Variants in DR1 observed in about 807,000 individuals in gnomAD.
DR1 encodes the protein down-regulator of transcription 1.
A neutral mutation model predicts 19.9 loss-of-function variants in DR1; 7 were observed. That is an observed-to-expected ratio of 0.35 (90% CI 0.20 to 0.66). DR1 has a LOEUF of 0.66. Among genes scored for constraint, DR1 ranks in the 30% least tolerant of loss-of-function variants. The pLI is 0.66. For synonymous variants in DR1, 76 were observed against 72.5 expected, an observed-to-expected ratio of 1.05 and a Z score of -0.24; for missense variants, 98 against 203.7, an observed-to-expected ratio of 0.48 and a Z score of 3.16.
At chr1:93,353,028 A>G (rs968553646) in intron 1 of DR1, among the ~76,000 whole-genome samples, 2 of 151,692 alleles carry the variant, frequency 1.3e-5, no homozygotes, top group Admixed American at 6.6e-5. Flanking sequence ...CTGAGTAGCT[A>G]GAACCATAGG....
At chr1:93,359,808 T>A (rs1667031849) in intron 2 of DR1, among the ~76,000 whole-genome samples, 1 of 152,160 alleles carries the variant, frequency 6.6e-6, no homozygotes, top group African/African-American at 2.4e-5. Context: ...ATATATCAGA[T>A]GAATGGATTT....
Position 93,365,626 on chromosome 1 carries a change from A to T in DR1, c.*4987A>T, listed in dbSNP as rs150693953. 2.0e-5 allele frequency: 3 copies of T among 152,338 alleles called. No individual in the cohort carries two copies. Among genetic ancestry groups the T allele is most frequent in the African/African-American group, 7.2e-5 (3 of 41,576 alleles). 9.4% of individuals were successfully genotyped at this position (152,338 alleles called of 1,614,324 possible). A position where few individuals can be genotyped will look rare whatever the true frequency, so the allele number is the denominator to read the frequency against. ...AGACACTTGAGGGAAAGGCTGTGAAACTGAACCTCTGTTAGAAGCAACACA... is the reference window on the plus strand; with the variant it reads ...AGACACTTGAGGGAAAGGCTGTGAATCTGAACCTCTGTTAGAAGCAACACA... On this transcript the variant is annotated 3_prime_UTR_variant, in exon 3 of 3. Coordinates refer to ENST00000370272, the MANE Select transcript of DR1 (RefSeq NM_001938.3).
chr1:93,358,574 A>T (rs949411695), intron 2 of DR1, among the ~76,000 whole-genome samples: 1 of 152,122 alleles, frequency 6.6e-6, no homozygotes, highest in Non-Finnish European at 1.5e-5. Context: ...GCGCAGATAT[A>T]TTAGTACTAG....
chr1:93,347,019 A>G (rs984142460), intron 1 of DR1, among the ~76,000 whole-genome samples, 154 bp downstream of exon 1: 1 of 152,196 alleles, frequency 6.6e-6, no homozygotes, highest in Non-Finnish European at 1.5e-5. Context: ...TGCTTTAAAA[A>G]CAATCCCTTT....
At chr1:93,358,241 A>G (rs985673649) in intron 2 of DR1, among the ~76,000 whole-genome samples, 9 of 152,294 alleles carry the variant, frequency 5.9e-5, no homozygotes, top group African/African-American at 2.2e-4. Context: ...CCACCTTTCT[A>G]TGCTCTGCTT....
chr1:93,368,106 A>G lies in DR1; in HGVS notation c.*7467A>G, dbSNP rs186140649. ...ACTCTTTTTGTAATAGTTTTTTTAC[A>G]TATGTTATTTCATTTGTTTATTTCC... is the stretch of plus-strand genomic sequence containing the variant. On this transcript the variant is annotated 3_prime_UTR_variant, in exon 3 of 3. Transcript: ENST00000370272. The G allele has an allele frequency of 1.3e-5, 2 of 152,196 alleles. No homozygotes were observed. Among genetic ancestry groups the G allele is most frequent in the East Asian group, 1.9e-4 (1 of 5,188 alleles). The allele number at this position is 152,196 out of a possible 1,614,324, so 9.4% of individuals were successfully genotyped here.
At position 93,368,647 on chromosome 1, in the gene DR1, T is replaced by C. The variant is rs1667198634; in HGVS notation, c.*8008T>C. 1 of 152,222 alleles carries C rather than the reference T, an allele frequency of 6.6e-6. No homozygotes were observed. The highest frequency in any genetic ancestry group is 2.1e-4 in the South Asian group (1 of 4,838). 9.4% of individuals were successfully genotyped at this position (152,222 alleles called of 1,614,324 possible). On this transcript the variant is annotated 3_prime_UTR_variant, in exon 3 of 3. Transcript: ENST00000370272. ...CATATTTATGTCACTAATAAACTTC[T>C]AGAATCCATGTAGTAGGGTGTAGTA...
rs8489 is a variant in DR1 at position 93,360,762 on chromosome 1, G to A, written c.*123G>A. The stretch of plus-strand genomic sequence containing the variant: ...GGTGGACTTGTCATTGGTATTCTAG[G>A]GATGTCTGCTATTAAGTTTCATCTA... On this transcript the variant is annotated 3_prime_UTR_variant, in exon 3 of 3. Coordinates refer to ENST00000370272, the MANE Select transcript of DR1 (RefSeq NM_001938.3). The A allele has an allele frequency of 0.02, 21,453 of 1,063,922 alleles. 2,887 individuals are homozygous for A. In the African/African-American group the frequency reaches 0.3, roughly 15 times the overall value. The allele number at this position is 1,063,922 out of a possible 1,614,324, so 65.9% of individuals were successfully genotyped here.
Position 93,364,364 on chromosome 1 carries a change from CTG to C in DR1, c.*3728_*3729del, listed in dbSNP as rs1424088020. On this transcript the variant is annotated 3_prime_UTR_variant, in exon 3 of 3. Coordinates refer to ENST00000370272, the MANE Select transcript of DR1 (RefSeq NM_001938.3). The stretch of plus-strand genomic sequence containing the variant: ...TTGAATTAGTATGTTGTGGGAAAAT[CTG>C]TGATTTAATTTTTTAATTGAATTTT... The C allele has an allele frequency of 6.6e-6, 1 of 152,010 alleles. No individual in the cohort carries two copies. Among genetic ancestry groups the C allele is most frequent in the Non-Finnish European group, 1.5e-5 (1 of 67,998 alleles). The allele number at this position is 152,010 out of a possible 1,614,324, so 9.4% of individuals were successfully genotyped here.
intron 1 of DR1, among the ~76,000 whole-genome samples, chr1:93,347,194 A>C (rs1265620617): frequency 1.3e-5 from 2 of 152,240 alleles, no homozygotes; most frequent in African/African-American, 4.8e-5. Context: ...ATAATAATTA[A>C]GGAACGCAGA....
intron 2 of DR1, chr1:93,355,230 T>C (rs1429819767): frequency 2.0e-5 from 3 of 152,182 alleles, no homozygotes; most frequent in Non-Finnish European, 2.9e-5. Flanking sequence ...ATTGTATTCA[T>C]TTACATATTA....
Position 93,367,544 on chromosome 1 carries a change from G to A in DR1, c.*6905G>A, listed in dbSNP as rs771450. The A allele has an allele frequency of 0.72, 110,246 of 152,074 alleles. 42,643 individuals carry two copies. Among genetic ancestry groups the A allele is most frequent in the East Asian group, 0.96 (4,964 of 5,180 alleles). The allele number at this position is 152,074 out of a possible 1,614,324, so 9.4% of individuals were successfully genotyped here. On this transcript the variant is annotated 3_prime_UTR_variant, in exon 3 of 3. Transcript: ENST00000370272. ...TTTTCATCACAGGGCGCACTCACAC[G>A]GCACACACACGCATACTGGGACCAT...
In DR1 at chr1:93,360,742, A is replaced by G. The variant is rs1248234164; in HGVS notation, c.*103A>G. The G allele has an allele frequency of 1.9e-5, 25 of 1,306,958 alleles. No homozygotes were observed. Among genetic ancestry groups the G allele is most frequent in the Admixed American group, 3.0e-5 (1 of 33,544 alleles). 81.0% of individuals were successfully genotyped at this position (1,306,958 alleles called of 1,614,324 possible). A position where few individuals can be genotyped will look rare whatever the true frequency, so the allele number is the denominator to read the frequency against. ...TGTAATTTTGTATGCATCTTGGTGG[A>G]CTTGTCATTGGTATTCTAGGGATGT... On this transcript the variant is annotated 3_prime_UTR_variant, in exon 3 of 3. Coordinates refer to ENST00000370272, the MANE Select transcript of DR1 (RefSeq NM_001938.3).
chr1:93,348,680 C>G (rs1487909973), intron 1 of DR1, among the ~76,000 whole-genome samples: 1 of 152,072 alleles, frequency 6.6e-6, no homozygotes, highest in African/African-American at 2.4e-5. Flanking sequence ...AGTGAAAAAG[C>G]ATTTCCATTG....
intron 2 of DR1, among the ~76,000 whole-genome samples, chr1:93,358,065 G>A (rs1329569049): frequency 6.6e-6 from 1 of 152,158 alleles, no homozygotes; most frequent in Non-Finnish European, 1.5e-5. Flanking sequence ...CTTGAGCCCA[G>A]GAGTTTGAGA....
intron 1 of DR1, among the ~76,000 whole-genome samples, chr1:93,352,370 A>C (rs923841092): frequency 6.6e-6 from 1 of 152,238 alleles, no homozygotes; most frequent in African/African-American, 2.4e-5. Context: ...GTGCCTGGCC[A>C]TGTTGGTGAA....
At chr1:93,350,349 G>A (rs1010541767) in intron 1 of DR1, among the ~76,000 whole-genome samples, 2 of 152,092 alleles carry the variant, frequency 1.3e-5, no homozygotes, top group African/African-American at 4.8e-5. Flanking sequence ...CCAGGCTAAT[G>A]AGCCAAGAAG....
At position 93,362,260 on chromosome 1, in the gene DR1, G is replaced by A. The variant is rs1667063824; in HGVS notation, c.*1621G>A. 1 of 152,464 alleles carries A rather than the reference G, an allele frequency of 6.6e-6. No homozygotes were observed. The highest frequency in any genetic ancestry group is 1.5e-5 in the Non-Finnish European group (1 of 67,878). The allele number at this position is 152,464 out of a possible 1,614,324, so 9.4% of individuals were successfully genotyped here. ...ACTTCATGGATGTCATACCCATGAA[G>A]TGCATTTGGATGAGATAGAAGAAAT... On this transcript the variant is annotated 3_prime_UTR_variant, in exon 3 of 3. Transcript: ENST00000370272.
Position 93,346,473 on chromosome 1 carries a change from C to G in DR1, c.-173C>G. The G allele has an allele frequency of 1.6e-6, 1 of 608,890 alleles. No homozygotes were observed. Among genetic ancestry groups the G allele is most frequent in the African/African-American group, 1.9e-5 (1 of 54,032 alleles). 37.7% of individuals were successfully genotyped at this position (608,890 alleles called of 1,614,324 possible). A position where few individuals can be genotyped will look rare whatever the true frequency, so the allele number is the denominator to read the frequency against. On this transcript the variant is annotated 5_prime_UTR_variant, in exon 1 of 3. Coordinates refer to ENST00000370272, the MANE Select transcript of DR1 (RefSeq NM_001938.3). The stretch of plus-strand genomic sequence containing the variant: ...ACTCATCCTAAATCTCTCACACACG[C>G]GAGTGTTCCCAGCCCTCAAGCCAGC...
Sources: gnomAD v4.1 joint callset for allele counts (sites outside exome capture counted in the v4.1 genomes callset) on GRCh38, gnomAD v4.1.1 for gene constraint, MANE v1.5 for transcripts, NCBI Gene and HGNC (gene_info 2026-07-23, HGNC 2026-07-21) for gene names.